Variants in RECK observed in about 807,000 individuals in gnomAD.
RECK encodes the protein reversion-inducing cysteine-rich protein with Kazal motifs.
RECK carries 69 observed loss-of-function variants against 115.1 expected under a neutral mutation model. The observed-to-expected ratio is 0.60, with a 90% confidence interval of 0.49 to 0.73. RECK has a LOEUF of 0.73. RECK is among the 30% of genes least tolerant of loss of function. The pLI, the probability that RECK is intolerant of heterozygous loss-of-function variation, is 0.00. For synonymous variants in RECK, 414 were observed against 419.7 expected (o/e 0.99, Z 0.17); for missense variants, 1,047 against 1,203.7 (o/e 0.87, Z 1.93).
chr9:36,106,689 A>G (rs956807297), intron 13 of RECK, among the ~76,000 whole-genome samples: 1 of 152,176 alleles, frequency 6.6e-6, no homozygotes, highest in Non-Finnish European at 1.5e-5. Flanking sequence ...TTAAATTTCA[A>G]GATAGTATTT....
rs1823265039 is a variant in RECK, at chr9:36,094,459, C to T, written c.1085+3116C>T. ...GAGCAACCACTAATTTAAAACACAA[C>T]ACAAAGAGGTATAGCTAAGAAGCTA... On this transcript the variant is annotated intron_variant, in intron 10 of 20. Transcript: ENST00000377966. This position sits in a 1 kb window ranked among gnomAD's most constrained non-coding sequence, Gnocchi z 4.1. Among the ~76,000 whole-genome samples the T allele has an allele frequency of 6.6e-6, 1 of 151,938 alleles. No individual in the cohort carries two copies. The highest frequency in any genetic ancestry group is 6.6e-5 in the Admixed American group (1 of 15,258).
chr9:36,114,286 T>A (rs1824174228), intron 16 of RECK, among the ~76,000 whole-genome samples: 1 of 152,232 alleles, frequency 6.6e-6, no homozygotes. Flanking sequence ...TTGATAAACA[T>A]CTAGCCAATC....
intron 8 of RECK, 85 bp from the exon 9 acceptor site, chr9:36,087,609 C>T: frequency 7.1e-7 from 1 of 1,403,118 alleles, no homozygotes; most frequent in Non-Finnish European, 9.7e-7. Flanking sequence ...TCTGCACATT[C>T]TGCACATGTA....
intron 1 of RECK, among the ~76,000 whole-genome samples, chr9:36,039,333 C>T (rs2132541175): frequency 6.6e-6 from 1 of 152,286 alleles, no homozygotes; most frequent in Admixed American, 6.5e-5. Context: ...CAATCCTAAA[C>T]AGAATTAAGA....
At chr9:36,051,185 C>A (rs76203032) in intron 1 of RECK, among the ~76,000 whole-genome samples, 2,620 of 151,950 alleles carry the variant, frequency 0.017, 74 homozygotes, top group African/African-American at 0.06. Flanking sequence ...TGTTTCTTTC[C>A]AGGGATAGTG....
chr9:36,063,897 A>G lies in RECK; in HGVS notation c.357+17A>G. ...TGCAAGCAGGTAACACTGGGTAGTC[A>G]GGCTCTCAAACATCATGGAGTGCAG... On this transcript the variant is annotated intron_variant, in intron 5 of 20. Transcript: ENST00000377966. 6.2e-7 allele frequency: 1 copy of G among 1,611,862 alleles called. No homozygotes were observed. The highest frequency in any genetic ancestry group is 8.5e-7 in the Non-Finnish European group (1 of 1,177,980).
chr9:36,099,155 G>T (rs2132648690), intron 10 of RECK, among the ~76,000 whole-genome samples: 1 of 152,154 alleles, frequency 6.6e-6, no homozygotes, highest in Non-Finnish European at 1.5e-5. Flanking sequence ...GAGCCCACAA[G>T]GTCGAGGCTG....
intron 6 of RECK, among the ~76,000 whole-genome samples, chr9:36,074,701 G>A (rs1368515232): frequency 6.6e-6 from 1 of 152,148 alleles, no homozygotes; most frequent in African/African-American, 2.4e-5. Flanking sequence ...AGCTTTACGT[G>A]GAAACTCTGT....
rs201163747 is a variant in RECK at position 36,105,643 on chromosome 9, A to ATG, written c.1576+362_1576+363dup. On this transcript the variant is annotated intron_variant, in intron 13 of 20. Transcript: ENST00000377966. ...TTTGTACTTTCTCTTCTATGTTGTA[A>ATG]TGTTTGAAAAAAAATACTCTACATT... Among the ~76,000 whole-genome samples, 734 of 152,188 alleles carry ATG rather than the reference A, an allele frequency of 4.8e-3. 4 individuals carry two copies. Among genetic ancestry groups the ATG allele is most frequent in the African/African-American group, 0.017 (693 of 41,524 alleles).
In RECK at chr9:36,049,788, T is replaced by C. The variant is rs538107380; in HGVS notation, c.101-2477T>C. ...TAGACTTCCTCAAAAGAATTGTCTGTATTTTCTTGAATTGTCTCTTGAACT... is the reference window on the plus strand; with the variant it reads ...TAGACTTCCTCAAAAGAATTGTCTGCATTTTCTTGAATTGTCTCTTGAACT... On this transcript the variant is annotated intron_variant, in intron 1 of 20. Transcript: ENST00000377966. Among the ~76,000 whole-genome samples, 10 of 152,386 alleles carry C rather than the reference T, an allele frequency of 6.6e-5. No homozygotes were observed. The East Asian group carries it at 1.9e-3, about 29-fold the overall frequency.
At chr9:36,039,421 C>G (rs1013470606) in intron 1 of RECK, among the ~76,000 whole-genome samples, 93 of 152,180 alleles carry the variant, frequency 6.1e-4, no homozygotes, top group African/African-American at 2.1e-3. Flanking sequence ...TAACCGCATC[C>G]AAGATTGGGT....
At chr9:36,053,297 C>A (rs1005809633) in intron 2 of RECK, among the ~76,000 whole-genome samples, 2 of 152,128 alleles carry the variant, frequency 1.3e-5, no homozygotes, top group African/African-American at 4.8e-5. Context: ...GTATGTCTAG[C>A]CTTAGCACTC....
chr9:36,075,264 C>T (rs1167303259), intron 6 of RECK, among the ~76,000 whole-genome samples: 1 of 152,222 alleles, frequency 6.6e-6, no homozygotes, highest in Non-Finnish European at 1.5e-5. Flanking sequence ...TCACCACAAG[C>T]ACATACTCTG....
intron 6 of RECK, among the ~76,000 whole-genome samples, chr9:36,077,643 A>G (rs939834167): frequency 6.6e-6 from 1 of 152,236 alleles, no homozygotes. Context: ...TGATGCTGCC[A>G]TGTGAAAATA....
At chr9:36,071,925 AT>A (rs1822245832) in intron 6 of RECK, among the ~76,000 whole-genome samples, 1 of 152,162 alleles carries the variant, frequency 6.6e-6, no homozygotes, top group Non-Finnish European at 1.5e-5. Flanking sequence ...TAATTTTGGG[AT>A]TTTCACATTG....
chr9:36,123,136 C>G lies in RECK; in HGVS notation c.*91C>G, dbSNP rs971246677. 11 of 1,007,766 alleles carry G rather than the reference C, an allele frequency of 1.1e-5. No individual in the cohort carries two copies. In the South Asian group the frequency reaches 1.3e-4, roughly 12 times the overall value. 62.4% of individuals were successfully genotyped at this position (1,007,766 alleles called of 1,614,324 possible). A position where few individuals can be genotyped will look rare whatever the true frequency, so the allele number is the denominator to read the frequency against. ...CTGCTGGTTTGTAGTTGAATATTGG[C>G]CAAGGAAAGGCACATGTCACCTCTA... On this transcript the variant is annotated 3_prime_UTR_variant, in exon 21 of 21. Coordinates refer to ENST00000377966, the MANE Select transcript of RECK (RefSeq NM_021111.3).
chr9:36,119,327 T>C (rs1248992243), intron 18 of RECK, among the ~76,000 whole-genome samples: 1 of 152,178 alleles, frequency 6.6e-6, no homozygotes, highest in African/African-American at 2.4e-5. Flanking sequence ...AATTAATGAA[T>C]AATTAAAGTA....
At chr9:36,106,727 T>C (rs969630752) in intron 13 of RECK, among the ~76,000 whole-genome samples, 1 of 152,012 alleles carries the variant, frequency 6.6e-6, no homozygotes, top group Non-Finnish European at 1.5e-5. Flanking sequence ...ACATTATAAG[T>C]TGGTCAGTAT....
At chr9:36,119,995 GAGGCCGAGGC>G (rs1413919062) in intron 18 of RECK, among the ~76,000 whole-genome samples, 1 of 152,170 alleles carries the variant, frequency 6.6e-6, no homozygotes, top group African/African-American at 2.4e-5. Flanking sequence ...AGCACTTTGG[GAGGCCGAGGC>G]AGGCGGATCA....
Sources: gnomAD v4.1 joint callset for allele counts (sites outside exome capture counted in the v4.1 genomes callset) on GRCh38, gnomAD v4.1.1 for gene constraint, Gnocchi (gnomAD v3.1) non-coding constraint, MANE v1.5 for transcripts, NCBI Gene and HGNC (gene_info 2026-07-23, HGNC 2026-07-21) for gene names.